Variants in ZBED6 observed in about 807,000 individuals in gnomAD.
The protein encoded by ZBED6 is zinc finger BED-type containing 6.
Under a neutral mutation model 58.4 loss-of-function variants are expected in ZBED6, and 40 were observed. The observed-to-expected ratio is 0.68, with a 90% confidence interval of 0.53 to 0.89. The LOEUF is 0.89. Ranked by LOEUF, ZBED6 falls within the 40% of genes least tolerant of loss-of-function variation. The pLI is 0.00. For missense variants in ZBED6, 1,057 were observed against 1,003.9 expected (o/e 1.05, Z -0.71); for synonymous variants, 439 against 350.6 (o/e 1.25, Z -2.82).
intron 9 of ZBED6, among the ~76,000 whole-genome samples, chr1:203,834,479 C>G (rs1683551740): frequency 1.3e-5 from 2 of 151,956 alleles, no homozygotes. Context: ...ACCATGTTGC[C>G]CAGGCTGGTC....
intron 1 of ZBED6, among the ~76,000 whole-genome samples, chr1:203,815,960 G>T (rs1188424456): frequency 1.3e-5 from 2 of 152,188 alleles, no homozygotes; most frequent in African/African-American, 4.8e-5. Context: ...TTGTTTTGTG[G>T]AATCACTATT....
Position 203,798,625 on chromosome 1 carries a change from C to A in ZBED6, c.1103C>A (p.Ser368Ter). ...GCTGAGGACCTTAGTGACTCTGATT[C>A]AGATGAACCTATGTTAGAGGTTGAA... The change falls in exon 1 of 17, where the codon TCA (serine) becomes TAA (stop). Residue 368 changes from serine (S) to a stop codon, truncating the protein, a stop_gained. Transcript: ENST00000550078. LOFTEE classifies it high-confidence loss of function. 1 of 1,536,116 alleles carries A rather than the reference C, an allele frequency of 6.5e-7. No homozygotes were observed. The highest frequency in any genetic ancestry group is 2.4e-5 in the East Asian group (1 of 40,916).
At chr1:203,832,062 T>C (rs1682556430) in intron 8 of ZBED6, among the ~76,000 whole-genome samples, 1 of 152,206 alleles carries the variant, frequency 6.6e-6, no homozygotes, top group Admixed American at 6.5e-5. Flanking sequence ...ATAAAGTTTT[T>C]TATTTATTTC....
At chr1:203,814,695 A>G (rs1005776914) in intron 1 of ZBED6, among the ~76,000 whole-genome samples, 4 of 152,092 alleles carry the variant, frequency 2.6e-5, no homozygotes, top group Admixed American at 6.6e-5. Flanking sequence ...GCCTCCACCT[A>G]TGACCCAATA....
chr1:203,839,554 G>A (rs952655616), intron 10 of ZBED6, among the ~76,000 whole-genome samples: 6 of 152,038 alleles, frequency 3.9e-5, no homozygotes, highest in Non-Finnish European at 8.8e-5. Flanking sequence ...ATGAGTAGAC[G>A]TTCCTGTTTG....
intron 1 of ZBED6, among the ~76,000 whole-genome samples, chr1:203,810,560 C>G (rs984843081): frequency 2.0e-5 from 3 of 151,756 alleles, no homozygotes; most frequent in Non-Finnish European, 4.4e-5. Context: ...GCTGGGACCA[C>G]AGGCGCCCAC....
rs1333671653 is a variant in ZBED6 at position 203,796,649 on chromosome 1, T to G, written c.-874T>G. On this transcript the variant is annotated 5_prime_UTR_variant, in exon 1 of 17. An upstream start codon of the reference 5' UTR is lost. Coordinates refer to ENST00000550078, the Ensembl canonical transcript of ZBED6. ...GGAAGGGGAGGGATCAATCGAAAAA[T>G]GGAAGTGGTTTAAAGTTCATATTTC... is the stretch of plus-strand genomic sequence containing the variant. 7.6e-6 allele frequency: 3 copies of G among 392,954 alleles called. No homozygotes were observed. The highest frequency in any genetic ancestry group is 1.3e-5 in the Non-Finnish European group (3 of 223,008). 24.3% of individuals were successfully genotyped at this position (392,954 alleles called of 1,614,324 possible). A position where few individuals can be genotyped will look rare whatever the true frequency, so the allele number is the denominator to read the frequency against.
At chr1:203,839,210 G>A (rs1685317692) in intron 10 of ZBED6, among the ~76,000 whole-genome samples, 1 of 152,106 alleles carries the variant, frequency 6.6e-6, no homozygotes, top group Non-Finnish European at 1.5e-5. Context: ...TTAGATTTTT[G>A]TTTTGTTTTG....
chr1:203,828,174 A>T, intron 3 of ZBED6, 125 bp from the exon 4 acceptor site: 1 of 1,077,016 alleles, frequency 9.3e-7, no homozygotes, highest in Non-Finnish European at 1.3e-6. Flanking sequence ...TCCTTCTAAA[A>T]ATCATCTCAT....
At chr1:203,833,364 CAAA>C (rs34277550) in intron 8 of ZBED6, among the ~76,000 whole-genome samples, 2 of 71,142 alleles carry the variant, frequency 2.8e-5, no homozygotes, top group Admixed American at 1.6e-4. Flanking sequence ...GACTCTGTCT[CAAA>C]AAAAAAAAAA....
chr1:203,809,154 C>CT (rs1673398703), intron 1 of ZBED6, among the ~76,000 whole-genome samples: 1 of 131,772 alleles, frequency 7.6e-6, no homozygotes, highest in South Asian at 2.5e-4. Flanking sequence ...ATTTTTGAAG[C>CT]TTTGTTTTCT....
In ZBED6 at chr1:203,810,878, C is replaced by T. The variant is rs1219080776; in HGVS notation, c.*2555-6048C>T. 1.3e-5 allele frequency among the ~76,000 whole-genome samples: 2 copies of T among 151,898 alleles called. 1 individual carries two copies. Among genetic ancestry groups the T allele is most frequent in the East Asian group, 3.9e-4 (2 of 5,180 alleles). ...TGGGCCAGACGCTCACGCCTGTAAT[C>T]CCAGCACTTTGAGAGGTTGAGGCGG... On this transcript the variant is annotated intron_variant, in intron 1 of 16. Coordinates refer to ENST00000550078, the Ensembl canonical transcript of ZBED6.
chr1:203,837,637 A>C (rs1265008362), intron 9 of ZBED6, among the ~76,000 whole-genome samples: 1 of 151,720 alleles, frequency 6.6e-6, no homozygotes, highest in African/African-American at 2.4e-5. Context: ...ACCATGCCTG[A>C]CTATTTTTTA....
At chr1:203,841,193 GT>G (rs1202271830) in intron 11 of ZBED6, among the ~76,000 whole-genome samples, 3 of 145,094 alleles carry the variant, frequency 2.1e-5, no homozygotes, top group Middle Eastern at 3.4e-3. Context: ...ATTCTTGGGT[GT>G]TTCTCGGAGA....
rs115624993 is a variant in ZBED6, at chr1:203,815,856, G to A, written c.*2555-1070G>A. 4.3e-3 allele frequency among the ~76,000 whole-genome samples: 655 copies of A among 152,236 alleles called. 12 individuals carry two copies. In the South Asian group the frequency reaches 0.048, roughly 11 times the overall value. On this transcript the variant is annotated intron_variant, in intron 1 of 16. Transcript: ENST00000550078. ...TTGTGGAAACCCTTTCCATATTCTC[G>A]TATGTGCTTTTGTTATATGCTTTTG...
At chr1:203,799,982 C>T (rs994359849) in exon 1 of ZBED6, 4 of 1,536,116 alleles carry the variant, frequency 2.6e-6, no homozygotes, top group Admixed American at 2.0e-5. Context: ...CTTCTTGTCC[C>T]TCAGTTACAG....
intron 1 of ZBED6, among the ~76,000 whole-genome samples, chr1:203,813,898 A>C (rs1290013331): frequency 1.3e-5 from 2 of 151,594 alleles, no homozygotes; most frequent in Non-Finnish European, 2.9e-5. Flanking sequence ...GGTTGCCTGA[A>C]TCTAGTCACA....
chr1:203,797,591 TGATTCTGG>T lies in ZBED6; in HGVS notation c.81_88del (p.Ile27MetfsTer5), dbSNP rs1388938010. The T allele has an allele frequency of 5.2e-6, 8 of 1,534,298 alleles. No individual in the cohort carries two copies. The highest frequency in any genetic ancestry group is 2.4e-5 in the East Asian group (1 of 40,914). ...CTGGCAGAAGATGCAACACTTTTAGTGATTCTGGGATTCTGGGATGTGTTCCTATTAAT... is the reference window on the plus strand; with the variant it reads ...CTGGCAGAAGATGCAACACTTTTAGTGATTCTGGGATGTGTTCCTATTAAT... On this transcript the variant is annotated frameshift_variant, in exon 1 of 17. Transcript: ENST00000550078. LOFTEE classifies it high-confidence loss of function.
chr1:203,816,674 C>CT (rs1467965221), intron 1 of ZBED6, among the ~76,000 whole-genome samples: 1 of 151,706 alleles, frequency 6.6e-6, no homozygotes, highest in Admixed American at 6.6e-5. Flanking sequence ...GTTAACAATG[C>CT]TTATTTACAA....
Sources: gnomAD v4.1 joint callset for allele counts (sites outside exome capture counted in the v4.1 genomes callset) on GRCh38, gnomAD v4.1.1 for gene constraint, MANE v1.5 for transcripts, NCBI Gene and HGNC (gene_info 2026-07-23, HGNC 2026-07-21) for gene names.